Variants in GLIS1 observed in about 807,000 individuals in gnomAD.
GLIS1 encodes the protein GLIS family zinc finger 1.
In GLIS1, 24 loss-of-function variants were observed where a neutral mutation model predicts 63.8. The ratio of observed to expected loss-of-function variants is 0.38; its 90% CI spans 0.27 to 0.53. GLIS1 has a LOEUF of 0.53. Among genes scored for constraint, GLIS1 ranks in the 20% least tolerant of loss-of-function variants. GLIS1 has a pLI of 0.85. For missense variants in GLIS1, 1,036 were observed against 1,074.1 expected, an observed-to-expected ratio of 0.96 and a Z score of 0.50; for synonymous variants, 450 against 482.5, an observed-to-expected ratio of 0.93 and a Z score of 0.88.
rs77557570 is a variant in GLIS1, at chr1:53,607,405, G to A, written c.260-7127C>T. Among the ~76,000 whole-genome samples the A allele has an allele frequency of 7.6e-3, 1,154 of 152,286 alleles. 22 individuals carry two copies. The highest frequency in any genetic ancestry group is 0.027 in the African/African-American group (1,124 of 41,536). ...CCACCTCAGCCTCCTGAGTAGCCAG[G>A]ACAACAGGTGCTTGCCATCACACCC... On this transcript the variant is annotated intron_variant, in intron 2 of 10. Coordinates refer to ENST00000628545, the MANE Select transcript of GLIS1 (RefSeq NM_001367484.1).
rs778828067 is a variant in GLIS1 at position 53,594,368 on chromosome 1, G to C, written c.1060C>G (p.Leu354Val). 6.2e-7 allele frequency: 1 copy of C among 1,611,556 alleles called. No individual in the cohort carries two copies. The highest frequency in any genetic ancestry group is 1.7e-5 in the Admixed American group (1 of 59,856). Residue 354 changes from leucine to valine, a missense_variant, in exon 4 of 11, where the codon CTT becomes GTT. Leu to Val is a conservative substitution (Grantham distance 32). This residue lies in a region of GLIS1 where 592 missense variants were observed against 593.9 expected (regional missense o/e 1.00). Coordinates refer to ENST00000628545, the MANE Select transcript of GLIS1 (RefSeq NM_001367484.1). ...GCCAGGCCCAGCCCCAGGCCTCCAA[G>C]GCTTGGGCCAGGCGGCAACTGAGAC... ...PLSQLPPGPSLGGLGLGLAGR... is the reference protein window; with the variant it reads ...PLSQLPPGPSVGGLGLGLAGR...
intron 2 of GLIS1, among the ~76,000 whole-genome samples, chr1:53,670,480 A>T (rs1055967466): frequency 6.6e-6 from 1 of 152,240 alleles, no homozygotes; most frequent in Non-Finnish European, 1.5e-5. Flanking sequence ...TTCCTGCTCC[A>T]GATCCCAGTA....
In GLIS1 at chr1:53,514,701, G is replaced by T. The variant is rs552544236; in HGVS notation, c.1807C>A (p.His603Asn). The change falls in exon 8 of 11, where the codon CAC (histidine) becomes AAC (asparagine). Residue 603 changes from histidine (H) to asparagine (N), a missense_variant. Transcript: ENST00000628545. ...LPPAHDVPSR[H>N]HPLDATTSSH... ...CTGGTGGTGGCATCCAGCGGGTGGT[G>T]CCTGGAAGGTACGTCGTGCGCTGGG... The T allele has an allele frequency of 6.2e-7, 1 of 1,613,832 alleles. No homozygotes were observed. Among genetic ancestry groups the T allele is most frequent in the South Asian group, 1.1e-5 (1 of 91,062 alleles).
At chr1:53,722,380 G>T (rs1033807410) in intron 2 of GLIS1, among the ~76,000 whole-genome samples, 1 of 152,298 alleles carries the variant, frequency 6.6e-6, no homozygotes, top group African/African-American at 2.4e-5. Flanking sequence ...TTATGCACAT[G>T]CAAGTAATAT....
chr1:53,526,670 C>A lies in GLIS1; in HGVS notation c.1483-1783G>T, dbSNP rs1644472825. On this transcript the variant is annotated intron_variant, in intron 5 of 10. Transcript: ENST00000628545. The surrounding 1 kb of genome is among the most constrained non-coding windows in gnomAD (Gnocchi z 4.4). ...CCCTGCCCTGTCCCTGAGCCGGCCCCAGGACTGTCCCTTGGGGATGCTGAT... is the reference window on the plus strand; with the variant it reads ...CCCTGCCCTGTCCCTGAGCCGGCCCAAGGACTGTCCCTTGGGGATGCTGAT... Among the ~76,000 whole-genome samples, 2 of 152,370 alleles carry A rather than the reference C, an allele frequency of 1.3e-5. No individual in the cohort carries two copies. Among genetic ancestry groups the A allele is most frequent in the East Asian group, 3.9e-4 (2 of 5,186 alleles).
Position 53,506,711 on chromosome 1 carries a change from C to A in GLIS1, c.2296G>T (p.Val766Leu), listed in dbSNP as rs905972144. The A allele has an allele frequency of 6.2e-7, 1 of 1,613,394 alleles. No homozygotes were observed. The highest frequency in any genetic ancestry group is 1.3e-5 in the African/African-American group (1 of 75,054). The change falls in exon 11 of 11, where the codon GTG becomes TTG. Residue 766 changes from valine to leucine, a missense_variant. Val to Leu is a conservative substitution (Grantham distance 32). This residue lies in a region of GLIS1 where 400 missense variants were observed against 400.9 expected (regional missense o/e 1.00). Transcript: ENST00000628545. ...CCACAGTCCTCGGGGCCGCTGGACACCACATCTTCAGATGGCTGCTGTGGC... is the reference window on the plus strand; with the variant it reads ...CCACAGTCCTCGGGGCCGCTGGACAACACATCTTCAGATGGCTGCTGTGGC... ...ALPQQPSEDV[V>L]SSGPEDCGFF...
chr1:53,719,767 G>A (rs1646735085), intron 2 of GLIS1, among the ~76,000 whole-genome samples: 1 of 152,168 alleles, frequency 6.6e-6, no homozygotes, highest in Non-Finnish European at 1.5e-5. Context: ...ATGTAGGACA[G>A]ACATTATGGA....
intron 4 of GLIS1, among the ~76,000 whole-genome samples, chr1:53,587,141 G>C (rs942011353): frequency 1.3e-5 from 2 of 152,202 alleles, no homozygotes; most frequent in African/African-American, 4.8e-5. Context: ...AAAGGACCTG[G>C]AGAATGCAGA....
chr1:53,533,836 C>T (rs3887651), intron 4 of GLIS1, among the ~76,000 whole-genome samples: 22,238 of 152,166 alleles, frequency 0.15, 3,495 homozygotes, highest in East Asian at 0.5. Flanking sequence ...ATGAGAGCGA[C>T]CATCAGTTCA....
Position 53,594,776 on chromosome 1 carries a change from T to C in GLIS1, c.652A>G (p.Ser218Gly). The C allele has an allele frequency of 6.2e-7, 1 of 1,601,510 alleles. No homozygotes were observed. The highest frequency in any genetic ancestry group is 1.1e-5 in the South Asian group (1 of 88,660). Residue 218 changes from serine (S) to glycine (G), a missense_variant, in exon 4 of 11, where the codon AGC becomes GGC. Coordinates refer to ENST00000628545, the MANE Select transcript of GLIS1 (RefSeq NM_001367484.1). ...AGGCCCAGGCCAGAGCTGGGTTCGC[T>C]GCCCAGAAGGTAGCAGGAAGGCGCA... ...TPAPSCYLLG[S>G]EPSSGLGLQP...
intron 2 of GLIS1, among the ~76,000 whole-genome samples, chr1:53,685,521 C>T (rs1028738881): frequency 6.6e-6 from 1 of 152,220 alleles, no homozygotes; most frequent in Non-Finnish European, 1.5e-5. Flanking sequence ...AACCCTGGTA[C>T]CTGATTTTTA....
Position 53,514,727 on chromosome 1 carries a change from G to A in GLIS1, c.1781C>T (p.Pro594Leu). The stretch of plus-strand genomic sequence containing the variant: ...CCTGGAAGGTACGTCGTGCGCTGGG[G>A]GCAGGAGGCCCGATGCAAGTCCGTT... ...PHNGLASGLLPPAHDVPSRHH... is the reference protein window; with the variant it reads ...PHNGLASGLLLPAHDVPSRHH... The change falls in exon 8 of 11, where the codon CCC becomes CTC. Residue 594 changes from proline to leucine, a missense_variant. Physicochemically the swap from Pro to Leu is moderately conservative, Grantham distance 98. This residue lies in a region of GLIS1 where 400 missense variants were observed against 400.9 expected (regional missense o/e 1.00). Transcript: ENST00000628545. 1.2e-6 allele frequency: 2 copies of A among 1,612,638 alleles called. No homozygotes were observed. Among genetic ancestry groups the A allele is most frequent in the Non-Finnish European group, 1.7e-6 (2 of 1,179,388 alleles).
Position 53,509,990 on chromosome 1 carries a change from G to A in GLIS1, c.1921C>T (p.Leu641=), listed in dbSNP as rs775093291. The A allele has an allele frequency of 8.5e-6, 11 of 1,286,596 alleles. No individual in the cohort carries two copies. The highest frequency in any genetic ancestry group is 1.1e-5 in the Non-Finnish European group (11 of 1,008,842). The allele number at this position is 1,286,596 out of a possible 1,614,324, so 79.7% of individuals were successfully genotyped here. Residue 641 remains leucine (L), a synonymous_variant, in exon 9 of 11, where the codon CTG becomes TTG. Coordinates refer to ENST00000628545, the MANE Select transcript of GLIS1 (RefSeq NM_001367484.1). ...PGLLSPIVSP[L]KGLGPPPLPP... ...AGCGGCGGTGGCCCCAGCCCCTTCA[G>A]GGGGCTGACTATTGGTGAGAGGAGG...
At chr1:53,696,987 A>G (rs1334061725) in intron 2 of GLIS1, among the ~76,000 whole-genome samples, 2 of 152,148 alleles carry the variant, frequency 1.3e-5, no homozygotes, top group Admixed American at 6.5e-5. Context: ...ATGCCCCTTC[A>G]TTGTGCTTAG....
intron 2 of GLIS1, among the ~76,000 whole-genome samples, chr1:53,695,300 T>C (rs1041271364): frequency 6.6e-6 from 1 of 152,192 alleles, no homozygotes; most frequent in Non-Finnish European, 1.5e-5. Flanking sequence ...TCCAAGTTCA[T>C]GGTGCAAGTC....
chr1:53,681,151 C>G (rs1037900789), intron 2 of GLIS1, among the ~76,000 whole-genome samples: 1 of 150,060 alleles, frequency 6.7e-6, no homozygotes, highest in Non-Finnish European at 1.5e-5. Context: ...TCCAGCACTC[C>G]TCCACTGCTC....
chr1:53,729,223 G>T (rs1026111586), intron 2 of GLIS1, among the ~76,000 whole-genome samples: 1 of 152,178 alleles, frequency 6.6e-6, no homozygotes, highest in Non-Finnish European at 1.5e-5. Flanking sequence ...CTTGAGGTCT[G>T]GGATTTTTGC....
chr1:53,599,550 C>T (rs1645294547), intron 3 of GLIS1, among the ~76,000 whole-genome samples: 1 of 152,236 alleles, frequency 6.6e-6, no homozygotes, highest in Non-Finnish European at 1.5e-5. Flanking sequence ...GGTATTCTGT[C>T]AATATGTAAC....
chr1:53,633,185 G>A (rs114831347), intron 2 of GLIS1, among the ~76,000 whole-genome samples: 4,237 of 148,848 alleles, frequency 0.028, 165 homozygotes, highest in African/African-American at 0.083. Flanking sequence ...ATGTGAATGT[G>A]ACTGTGAGGT....
Sources: allele counts gnomAD v4.1 joint callset (sites outside exome capture counted in the v4.1 genomes callset), GRCh38; gene constraint gnomAD v4.1.1; regional missense constraint gnomAD v4.1.1; non-coding constraint Gnocchi (gnomAD v3.1); transcripts MANE v1.5; gene names NCBI Gene and HGNC (gene_info 2026-07-23, HGNC 2026-07-21).